The following CCDC30 variants were observed in gnomAD, a reference collection of about 807,000 sequenced individuals.
CCDC30 encodes coiled-coil domain-containing protein 30.
In CCDC30, 70 loss-of-function variants were observed where a neutral mutation model predicts 100.2. The ratio of observed to expected loss-of-function variants is 0.70; its 90% CI spans 0.58 to 0.85. CCDC30 has a LOEUF of 0.85. CCDC30 is among the 40% of genes least tolerant of loss of function. The probability of loss-of-function intolerance (pLI) is 0.00; values close to 1 mark genes in which losing one functional copy is unlikely to be tolerated. For synonymous variants in CCDC30, 233 were observed against 269.5 expected (o/e 0.86, Z 1.33); for missense variants, 652 against 771.2 (o/e 0.85, Z 1.83).
At chr1:42,465,132 A>G (rs918411645) in intron 1 of CCDC30, among the ~76,000 whole-genome samples, 11 of 152,294 alleles carry the variant, frequency 7.2e-5, no homozygotes, top group African/African-American at 2.6e-4. Flanking sequence ...CAAACATGGC[A>G]AAAACCTGAC....
At chr1:42,614,082 CTTT>C (rs140335668) in intron 11 of CCDC30, among the ~76,000 whole-genome samples, 7 of 137,666 alleles carry the variant, frequency 5.1e-5, no homozygotes, top group Admixed American at 1.5e-4. Flanking sequence ...CCCCAATATT[CTTT>C]TTTTTTTTTT....
intron 7 of CCDC30, among the ~76,000 whole-genome samples, chr1:42,567,814 A>G (rs920061825): frequency 4.8e-4 from 73 of 152,224 alleles, no homozygotes; most frequent in African/African-American, 1.7e-3. Context: ...ATAATGCCTT[A>G]CATATGATTG....
intron 2 of CCDC30, among the ~76,000 whole-genome samples, chr1:42,482,165 G>T (rs1643970347): frequency 6.7e-6 from 1 of 150,202 alleles, no homozygotes; most frequent in Non-Finnish European, 1.5e-5. Context: ...TTGCAGTTGT[G>T]CCATTAGAGA....
intron 6 of CCDC30, chr1:42,536,481 G>GA (rs1429908109): frequency 6.2e-7 from 1 of 1,602,092 alleles, no homozygotes; most frequent in Non-Finnish European, 8.5e-7. Flanking sequence ...TACAGATCCT[G>GA]AAAATGAGCC....
At chr1:42,655,420 G>A (rs922974202), downstream of CCDC30, among the ~76,000 whole-genome samples, 1 of 151,982 alleles carries the variant, frequency 6.6e-6, no homozygotes, top group Non-Finnish European at 1.5e-5. Flanking sequence ...TAGTGCGCGC[G>A]CCTGTAGTCC....
chr1:42,597,293 C>T (rs1345196783), intron 10 of CCDC30, among the ~76,000 whole-genome samples: 3 of 152,080 alleles, frequency 2.0e-5, no homozygotes, highest in Non-Finnish European at 4.4e-5. Context: ...TAATGACAGA[C>T]ACCAAACCAG....
intron 1 of CCDC30, among the ~76,000 whole-genome samples, chr1:42,470,354 A>G (rs954481933): frequency 1.3e-5 from 2 of 152,080 alleles, no homozygotes; most frequent in African/African-American, 2.4e-5. Context: ...TAAGACCTGC[A>G]TTGCTGGTAG....
rs767713716 is a variant in CCDC30 at position 42,596,402 on chromosome 1, G to C, written c.1164+6919G>C. Reference sequence around the variant, plus strand: ...ACTTCCTAACAGGGTCTGCCGGCAGGAGAAACTATTTAACCAGAGCCTAAG... The same window carrying C: ...ACTTCCTAACAGGGTCTGCCGGCAGCAGAAACTATTTAACCAGAGCCTAAG... On this transcript the variant is annotated intron_variant, in intron 10 of 16. Coordinates refer to ENST00000668663, the Ensembl canonical transcript of CCDC30. The surrounding 1 kb of genome is among the most constrained non-coding windows in gnomAD (Gnocchi z 4.3). 2.6e-5 allele frequency among the ~76,000 whole-genome samples: 4 copies of C among 152,160 alleles called. No individual in the cohort carries two copies. The highest frequency in any genetic ancestry group is 5.9e-5 in the Non-Finnish European group (4 of 68,028).
intron 6 of CCDC30, among the ~76,000 whole-genome samples, chr1:42,562,601 C>A (rs1020981064): frequency 6.6e-6 from 1 of 151,974 alleles, no homozygotes; most frequent in African/African-American, 2.4e-5. Flanking sequence ...CCAAAATTGA[C>A]AAAATGAGAT....
In CCDC30 at chr1:42,504,145, C is replaced by T. The variant is rs12410117; in HGVS notation, c.456+5229C>T. On this transcript the variant is annotated intron_variant, in intron 6 of 16. Transcript: ENST00000668663. Reference sequence around the variant, plus strand: ...CTAGTTAACTGCAGCAGGAGCATGTCCTTAAGGCACAGATCGCTCATGCTA... The same window carrying T: ...CTAGTTAACTGCAGCAGGAGCATGTTCTTAAGGCACAGATCGCTCATGCTA... Among the ~76,000 whole-genome samples, 177 of 152,364 alleles carry T rather than the reference C, an allele frequency of 1.2e-3. 3 individuals carry two copies. Among genetic ancestry groups the T allele is most frequent in the Admixed American group, 9.8e-3 (150 of 15,304 alleles).
intron 1 of CCDC30, among the ~76,000 whole-genome samples, chr1:42,471,848 A>C (rs1643779855): frequency 2.0e-5 from 3 of 151,946 alleles, no homozygotes; most frequent in Non-Finnish European, 4.4e-5. Context: ...ACTCTAGAAA[A>C]CTTAGCAATC....
At chr1:42,545,485 AT>A (rs1208989257) in intron 6 of CCDC30, 1 of 1,605,684 alleles carries the variant, frequency 6.2e-7, no homozygotes, top group East Asian at 2.3e-5. Context: ...TTCTAATTTA[AT>A]TACAAGTGAA....
At chr1:42,486,334 A>G (rs1569771662) in intron 3 of CCDC30, among the ~76,000 whole-genome samples, 1 of 152,230 alleles carries the variant, frequency 6.6e-6, no homozygotes, top group Non-Finnish European at 1.5e-5. Flanking sequence ...TGCTTATAAC[A>G]GTCACAAGCA....
intron 6 of CCDC30, among the ~76,000 whole-genome samples, chr1:42,538,285 G>A (rs186251700): frequency 1.8e-4 from 27 of 149,630 alleles, no homozygotes; most frequent in Admixed American, 1.6e-3. Flanking sequence ...AGCTGTGATC[G>A]CACCACTGCA....
chr1:42,609,081 G>C (rs1443213733), intron 10 of CCDC30, among the ~76,000 whole-genome samples: 4 of 152,120 alleles, frequency 2.6e-5, no homozygotes, highest in Admixed American at 2.6e-4. Flanking sequence ...TTTCTGTAAA[G>C]TTATACTGAG....
At chr1:42,478,623 G>A (rs1202517026) in intron 1 of CCDC30, among the ~76,000 whole-genome samples, 2 of 152,116 alleles carry the variant, frequency 1.3e-5, no homozygotes, top group African/African-American at 4.8e-5. Context: ...GCCAGGCATG[G>A]TGGCATGCAC....
Position 42,653,455 on chromosome 1 carries a change from C to A in CCDC30, c.1922+12C>A. ...TTATCAAACTCCAGGTTAGTAAAGTCAAGACAAATAAAGTCAAGTCTATCT... is the reference window on the plus strand; with the variant it reads ...TTATCAAACTCCAGGTTAGTAAAGTAAAGACAAATAAAGTCAAGTCTATCT... On this transcript the variant is annotated intron_variant, in intron 16 of 16. Coordinates refer to ENST00000668663, the Ensembl canonical transcript of CCDC30. 2 of 1,553,188 alleles carry A rather than the reference C, an allele frequency of 1.3e-6. No individual in the cohort carries two copies. The highest frequency in any genetic ancestry group is 2.3e-5 in the South Asian group (2 of 87,580).
At chr1:42,550,491 C>T (rs1645229714) in intron 6 of CCDC30, among the ~76,000 whole-genome samples, 1 of 152,204 alleles carries the variant, frequency 6.6e-6, no homozygotes, top group South Asian at 2.1e-4. Flanking sequence ...TCCTCCTCAT[C>T]TTGCTGCCTT....
intron 1 of CCDC30, among the ~76,000 whole-genome samples, chr1:42,476,573 T>C (rs529773291): frequency 5.9e-5 from 9 of 151,780 alleles, no homozygotes; most frequent in Non-Finnish European, 1.2e-4. Context: ...GCCTGTAATC[T>C]CAGCTACTTG....
Sources: allele counts gnomAD v4.1 joint callset (sites outside exome capture counted in the v4.1 genomes callset), GRCh38; gene constraint gnomAD v4.1.1; non-coding constraint Gnocchi (gnomAD v3.1); transcripts MANE v1.5; gene names NCBI Gene and HGNC (gene_info 2026-07-23, HGNC 2026-07-21).